LGR5: variants seen among roughly 807,000 people sequenced by gnomAD.
LGR5 encodes the protein leucine-rich repeat-containing G protein-coupled receptor 5.
In LGR5, 54 loss-of-function variants were observed where a neutral mutation model predicts 76.7. The ratio of observed to expected loss-of-function variants is 0.70; its 90% CI spans 0.57 to 0.88. The LOEUF is 0.88. Among genes scored for constraint, LGR5 ranks in the 40% least tolerant of loss-of-function variants. The pLI is 0.00. For synonymous variants in LGR5, 406 were observed against 421.9 expected, an observed-to-expected ratio of 0.96 and a Z score of 0.46; for missense variants, 1,078 against 1,073.3, an observed-to-expected ratio of 1.00 and a Z score of -0.06.
chr12:71,504,189 G>A (rs538535381), intron 1 of LGR5, among the ~76,000 whole-genome samples: 4 of 152,164 alleles, frequency 2.6e-5, no homozygotes. Context: ...TTTACAAGGT[G>A]CTTAAAGTCC....
intron 1 of LGR5, among the ~76,000 whole-genome samples, chr12:71,443,489 C>T (rs973000596): frequency 1.3e-5 from 2 of 152,150 alleles, no homozygotes; most frequent in East Asian, 3.8e-4. Flanking sequence ...CTAACAGGGG[C>T]TAATAAAGTT....
At chr12:71,568,691 G>T (rs921884874) in intron 11 of LGR5, among the ~76,000 whole-genome samples, 2 of 152,180 alleles carry the variant, frequency 1.3e-5, no homozygotes, top group Non-Finnish European at 2.9e-5. Context: ...CAACCAAGTA[G>T]AATTAGCTGA....
intron 1 of LGR5, among the ~76,000 whole-genome samples, chr12:71,478,391 C>T (rs1324089944): frequency 6.6e-6 from 1 of 152,180 alleles, no homozygotes; most frequent in Non-Finnish European, 1.5e-5. Flanking sequence ...TGAAGTCTTA[C>T]ATATTTCTCA....
At chr12:71,442,776 G>T (rs1871823411) in intron 1 of LGR5, among the ~76,000 whole-genome samples, 1 of 152,236 alleles carries the variant, frequency 6.6e-6, no homozygotes, top group South Asian at 2.1e-4. Flanking sequence ...GCCCTCTTTT[G>T]GTTACACCTA....
intron 11 of LGR5, among the ~76,000 whole-genome samples, chr12:71,571,098 G>C (rs1483146892): frequency 1.3e-5 from 2 of 152,080 alleles, no homozygotes; most frequent in African/African-American, 2.4e-5. Context: ...GCTATGTTTT[G>C]AATTGTTAGG....
chr12:71,510,957 G>A (rs1375240167), intron 2 of LGR5, among the ~76,000 whole-genome samples: 1 of 152,000 alleles, frequency 6.6e-6, no homozygotes, highest in East Asian at 1.9e-4. Context: ...GAAGTGAGGT[G>A]GATGCAGCTG....
chr12:71,530,095 T>C (rs757793351), intron 3 of LGR5, among the ~76,000 whole-genome samples: 1 of 152,224 alleles, frequency 6.6e-6, no homozygotes, highest in Non-Finnish European at 1.5e-5. Flanking sequence ...ATTTCTTCTT[T>C]ATAATACATT....
At chr12:71,570,450 CT>C (rs948611235) in intron 11 of LGR5, among the ~76,000 whole-genome samples, 15 of 152,214 alleles carry the variant, frequency 9.9e-5, no homozygotes, top group African/African-American at 3.6e-4. Context: ...GGAGTATCCC[CT>C]TTGCAGCCTG....
intron 1 of LGR5, among the ~76,000 whole-genome samples, chr12:71,442,316 C>T (rs1871803920): frequency 6.6e-6 from 1 of 152,122 alleles, no homozygotes; most frequent in Admixed American, 6.5e-5. Flanking sequence ...CTGCCACCTA[C>T]TGCCAATGTT....
chr12:71,560,732 G>T (rs1017489136), intron 7 of LGR5, among the ~76,000 whole-genome samples: 1 of 152,196 alleles, frequency 6.6e-6, no homozygotes, highest in Non-Finnish European at 1.5e-5. Context: ...GGCGGTGATT[G>T]CAGTGAGCCG....
chr12:71,447,183 T>C (rs1479402654), intron 1 of LGR5, among the ~76,000 whole-genome samples: 1 of 152,194 alleles, frequency 6.6e-6, no homozygotes, highest in African/African-American at 2.4e-5. Context: ...AATAGAAAAT[T>C]GTTTCAAAGT....
At chr12:71,493,770 CTT>C (rs57504416) in intron 1 of LGR5, among the ~76,000 whole-genome samples, 5 of 129,540 alleles carry the variant, frequency 3.9e-5, no homozygotes, top group Admixed American at 7.8e-5. Flanking sequence ...AGTAAATAAG[CTT>C]TTTTTTTTTT....
intron 1 of LGR5, among the ~76,000 whole-genome samples, chr12:71,471,396 T>G (rs1252857296): frequency 6.6e-6 from 1 of 152,174 alleles, no homozygotes; most frequent in Non-Finnish European, 1.5e-5. Context: ...ATGTCCAGAA[T>G]AGGCAAATCT....
chr12:71,556,600 C>T lies in LGR5; in HGVS notation c.645-19C>T, dbSNP rs1877778034. ...CTGTGCAGTGTGCCTTCCTAACTAT[C>T]TGTAATGTTCTACTGCAGACATCTC... On this transcript the variant is annotated intron_variant, in intron 5 of 17. Transcript: ENST00000266674. The T allele has an allele frequency of 3.2e-6, 5 of 1,543,006 alleles. No individual in the cohort carries two copies. Among genetic ancestry groups the T allele is most frequent in the Non-Finnish European group, 4.5e-6 (5 of 1,115,240 alleles).
intron 1 of LGR5, among the ~76,000 whole-genome samples, chr12:71,473,179 T>A (rs1024769076): frequency 1.3e-5 from 2 of 152,176 alleles, no homozygotes; most frequent in Non-Finnish European, 2.9e-5. Context: ...TCTTACAGGA[T>A]CTTACATTCC....
chr12:71,568,496 C>A, intron 11 of LGR5, among the ~76,000 whole-genome samples: 1 of 152,164 alleles, frequency 6.6e-6, no homozygotes, highest in Admixed American at 6.6e-5. Flanking sequence ...TCCCTGGAAC[C>A]ATTATTCTTT....
intron 1 of LGR5, among the ~76,000 whole-genome samples, chr12:71,468,399 A>G (rs1312644479): frequency 6.6e-6 from 1 of 152,222 alleles, no homozygotes; most frequent in Non-Finnish European, 1.5e-5. Flanking sequence ...CAGAGTTGAA[A>G]TAACAGCCCA....
intron 6 of LGR5, among the ~76,000 whole-genome samples, chr12:71,557,298 A>G (rs1399935774): frequency 6.6e-6 from 1 of 152,220 alleles, no homozygotes; most frequent in Non-Finnish European, 1.5e-5. Flanking sequence ...AAAAGAAAAA[A>G]GAGTGAAAAG....
At chr12:71,547,621 C>T (rs1018325552) in intron 4 of LGR5, among the ~76,000 whole-genome samples, 1 of 152,162 alleles carries the variant, frequency 6.6e-6, no homozygotes, top group Non-Finnish European at 1.5e-5. Context: ...TACATGTGAA[C>T]ATTGACCCAC....
Sources: allele counts gnomAD v4.1 joint callset (sites outside exome capture counted in the v4.1 genomes callset), GRCh38; gene constraint gnomAD v4.1.1; transcripts MANE v1.5; gene names NCBI Gene and HGNC (gene_info 2026-07-23, HGNC 2026-07-21).